Variants in STPG2 observed in about 807,000 individuals in gnomAD.
STPG2 encodes the protein sperm tail PG-rich repeat containing 2, also known as sperm-tail PG-rich repeat-containing protein 2.
A neutral mutation model predicts 54.2 loss-of-function variants in STPG2; 56 were observed. The observed-to-expected ratio is 1.03, with a 90% CI of 0.83 to 1.29. STPG2 has a LOEUF of 1.29. Ranked by LOEUF, STPG2 falls within the 50% of genes most tolerant of loss-of-function variation. The pLI is 0.00. For synonymous variants in STPG2, 200 were observed against 181.8 expected (o/e 1.10, Z -0.81); for missense variants, 596 against 544.9 (o/e 1.09, Z -0.93).
At chr4:97,580,904 TA>T (rs1180894281) in intron 10 of STPG2, among the ~76,000 whole-genome samples, 1 of 152,096 alleles carries the variant, frequency 6.6e-6, no homozygotes, top group Non-Finnish European at 1.5e-5. Flanking sequence ...GCCTGCTTTG[TA>T]AAAAATATGC....
At chr4:97,804,417 T>TAAC (rs879521063) in intron 9 of STPG2, among the ~76,000 whole-genome samples, 31 of 152,198 alleles carry the variant, frequency 2.0e-4, no homozygotes, top group Non-Finnish European at 3.2e-4. Flanking sequence ...TCTTAGTTTT[T>TAAC]AACAACAACA....
intron 8 of STPG2, among the ~76,000 whole-genome samples, chr4:97,933,478 A>G (rs764537640): frequency 6.6e-6 from 1 of 152,088 alleles, no homozygotes; most frequent in Admixed American, 6.6e-5. Context: ...ATTTTCCCCC[A>G]GGGTTTTTAC....
chr4:97,768,764 C>G (rs759997548), intron 9 of STPG2, among the ~76,000 whole-genome samples: 72 of 151,726 alleles, frequency 4.7e-4, no homozygotes, highest in Admixed American at 8.5e-4. Flanking sequence ...TGTAGTGGCA[C>G]GATCTCAGCT....
At chr4:98,028,131 C>G (rs1263789752) in intron 5 of STPG2, among the ~76,000 whole-genome samples, 1 of 152,142 alleles carries the variant, frequency 6.6e-6, no homozygotes, top group Non-Finnish European at 1.5e-5. Context: ...CTAGATCCTT[C>G]CAAGGCACTA....
intron 5 of STPG2, chr4:98,025,787 A>C (rs1736398753): frequency 6.3e-7 from 1 of 1,575,232 alleles, no homozygotes; most frequent in Non-Finnish European, 8.6e-7. Flanking sequence ...TGTGGAAAGC[A>C]TTGATGGTCC....
At chr4:97,616,057 AAT>A (rs70953077) in intron 10 of STPG2, among the ~76,000 whole-genome samples, 4,538 of 37,382 alleles carry the variant, frequency 0.12, 279 homozygotes, top group East Asian at 0.21. Flanking sequence ...AATACATATA[AAT>A]ATATATATAT....
intron 8 of STPG2, among the ~76,000 whole-genome samples, chr4:97,932,578 C>T (rs917969861): frequency 1.3e-5 from 2 of 152,124 alleles, no homozygotes; most frequent in Non-Finnish European, 2.9e-5. Context: ...CATGTGTTCT[C>T]ATTTTTCAGC....
chr4:98,077,674 C>T (rs1016181538), intron 5 of STPG2, among the ~76,000 whole-genome samples: 3 of 152,138 alleles, frequency 2.0e-5, no homozygotes, highest in Admixed American at 1.3e-4. Context: ...ATTTTTAAAA[C>T]TATCACACAA....
rs537704972 is a variant in STPG2, at chr4:98,123,654, G to A, written c.387+4774C>T. Among the ~76,000 whole-genome samples, 52 of 152,264 alleles carry A rather than the reference G, an allele frequency of 3.4e-4. No homozygotes were observed. The East Asian group carries it at 8.5e-3, about 25-fold the overall frequency. ...AGTGCCATGTAGTGCCGAGAAGAACGTATATTCTGTTGTTTTGGGGTAGAG... is the reference window on the plus strand; with the variant it reads ...AGTGCCATGTAGTGCCGAGAAGAACATATATTCTGTTGTTTTGGGGTAGAG... On this transcript the variant is annotated intron_variant, in intron 3 of 10. Coordinates refer to ENST00000295268, the MANE Select transcript of STPG2 (RefSeq NM_174952.3).
intron 9 of STPG2, among the ~76,000 whole-genome samples, chr4:97,797,674 C>T (rs1337606353): frequency 2.0e-5 from 3 of 152,076 alleles, no homozygotes; most frequent in African/African-American, 4.8e-5. Context: ...CTTTTCCAGG[C>T]TTTGGTATCA....
At chr4:97,878,919 G>C (rs894676458) in intron 8 of STPG2, among the ~76,000 whole-genome samples, 1 of 152,014 alleles carries the variant, frequency 6.6e-6, no homozygotes, top group Admixed American at 6.6e-5. Flanking sequence ...CCTTTTAAAA[G>C]TACCAAAGTC....
At chr4:97,967,397 A>T (rs1325030110) in intron 7 of STPG2, among the ~76,000 whole-genome samples, 1 of 152,094 alleles carries the variant, frequency 6.6e-6, no homozygotes, top group Non-Finnish European at 1.5e-5. Context: ...AGACTCCTAC[A>T]CAATAATAAT....
At chr4:97,919,464 C>T (rs531400877) in intron 8 of STPG2, among the ~76,000 whole-genome samples, 7 of 149,440 alleles carry the variant, frequency 4.7e-5, no homozygotes, top group Non-Finnish European at 8.9e-5. Context: ...AAAGAAAATA[C>T]GAATCACCAA....
chr4:98,084,869 G>A (rs977185800), intron 5 of STPG2, among the ~76,000 whole-genome samples: 4 of 152,046 alleles, frequency 2.6e-5, no homozygotes, highest in Non-Finnish European at 5.9e-5. Context: ...TTGTCAGATA[G>A]ATATGTTGCA....
At chr4:97,833,224 G>C (rs1055825064) in intron 9 of STPG2, among the ~76,000 whole-genome samples, 4 of 152,116 alleles carry the variant, frequency 2.6e-5, no homozygotes, top group Admixed American at 2.6e-4. Context: ...ACAACCATCA[G>C]ATCTTTGATA....
chr4:97,474,011 A>ACATGT (rs1426000951), intron 4 of STPG2, among the ~76,000 whole-genome samples: 1 of 152,290 alleles, frequency 6.6e-6, no homozygotes, highest in East Asian at 1.9e-4. Context: ...AATGTTGGAT[A>ACATGT]CATGTCATTA....
intron 7 of STPG2, among the ~76,000 whole-genome samples, chr4:97,961,541 C>T (rs1421516327): frequency 4.6e-5 from 7 of 152,052 alleles, no homozygotes; most frequent in African/African-American, 1.7e-4. Context: ...CAAAAGTGGG[C>T]TGAGGACATG....
rs1009824027 is a variant in STPG2, at chr4:97,756,446, C to A, written c.1205-43632G>T. 2.6e-5 allele frequency among the ~76,000 whole-genome samples: 4 copies of A among 152,102 alleles called. No homozygotes were observed. In the South Asian group the frequency reaches 6.2e-4, roughly 24 times the overall value. Reference sequence around the variant, plus strand: ...AAGCGATTCTCCTGCCTAAGCCACCCAAGTAGCTGGGATTACAGGTGCCCG... The same window carrying A: ...AAGCGATTCTCCTGCCTAAGCCACCAAAGTAGCTGGGATTACAGGTGCCCG... On this transcript the variant is annotated intron_variant, in intron 9 of 10. Transcript: ENST00000295268.
chr4:97,471,968 A>T (rs1467710632), intron 4 of STPG2, among the ~76,000 whole-genome samples: 1 of 152,224 alleles, frequency 6.6e-6, no homozygotes, highest in African/African-American at 2.4e-5. Flanking sequence ...TTAAATATAC[A>T]TCACACAAAA....
Sources: allele counts gnomAD v4.1 joint callset (sites outside exome capture counted in the v4.1 genomes callset), GRCh38; gene constraint gnomAD v4.1.1; transcripts MANE v1.5; gene names NCBI Gene and HGNC (gene_info 2026-07-23, HGNC 2026-07-21).